The following HTR4 variants were observed in gnomAD, a reference collection of about 807,000 sequenced individuals.
HTR4 encodes the protein 5-hydroxytryptamine (serotonin) receptor 4, G protein-coupled.
Under a neutral mutation model 36.8 loss-of-function variants are expected in HTR4, and 16 were observed. The ratio of observed to expected loss-of-function variants is 0.43; its 90% CI spans 0.29 to 0.66. The LOEUF (loss-of-function observed/expected upper bound fraction) is 0.66, where lower values mean the gene tolerates loss of function less well. Among genes scored for constraint, HTR4 ranks in the 30% least tolerant of loss-of-function variants. HTR4 has a pLI of 0.13. For missense variants in HTR4, 438 were observed against 490.9 expected (o/e 0.89, Z 1.02); for synonymous variants, 189 against 185.1 (o/e 1.02, Z -0.17).
chr5:148,629,574 C>T (rs1021420677), intron 2 of HTR4: 3 of 152,260 alleles, frequency 2.0e-5, no homozygotes, highest in African/African-American at 7.2e-5. Context: ...AGAGGTTCAG[C>T]TTGGCAAGCA....
intron 5 of HTR4, among the ~76,000 whole-genome samples, chr5:148,462,840 T>C (rs1755313321): frequency 6.6e-6 from 1 of 152,156 alleles, no homozygotes; most frequent in Admixed American, 6.5e-5. Flanking sequence ...CTCAGGTATG[T>C]AGGGCAAATA....
chr5:148,644,384 C>T lies in HTR4; in HGVS notation c.-47-7323G>A, dbSNP rs1286793657. On this transcript the variant is annotated intron_variant, in intron 1 of 6. Transcript: ENST00000377888. ...GAAAACCCTCCTGTTATTTCCTAAT[C>T]TCTCTTTTTAAAAGATGAATAGGTC... 3.0e-5 allele frequency among the ~76,000 whole-genome samples: 4 copies of T among 131,380 alleles called. No individual in the cohort carries two copies. The Admixed American group carries it at 3.2e-4, about 11-fold the overall frequency. The allele number at this position is 131,380 out of a possible 152,430, so 86.2% of individuals were successfully genotyped here.
chr5:148,510,537 T>C (rs542105727), intron 5 of HTR4, among the ~76,000 whole-genome samples: 13 of 152,346 alleles, frequency 8.5e-5, no homozygotes, highest in African/African-American at 3.1e-4. Context: ...AAGTGCAGAT[T>C]CCTGCCCACT....
chr5:148,511,965 A>G (rs1367713742), intron 5 of HTR4, among the ~76,000 whole-genome samples: 1 of 152,120 alleles, frequency 6.6e-6, no homozygotes, highest in Non-Finnish European at 1.5e-5. Context: ...TGTTACTGAA[A>G]AGTGTCCTGG....
intron 2 of HTR4, among the ~76,000 whole-genome samples, chr5:148,578,861 G>A (rs1392147395): frequency 6.6e-6 from 1 of 152,012 alleles, no homozygotes; most frequent in African/African-American, 2.4e-5. Flanking sequence ...TAACATATTG[G>A]AAAGGGCCCT....
chr5:148,510,249 T>C (rs778716291), intron 5 of HTR4, among the ~76,000 whole-genome samples: 1 of 152,174 alleles, frequency 6.6e-6, no homozygotes, highest in African/African-American at 2.4e-5. Context: ...AGCAAAGCTT[T>C]GGTTTTCTTA....
chr5:148,638,485 C>A (rs1310051685), intron 1 of HTR4, among the ~76,000 whole-genome samples: 1 of 152,200 alleles, frequency 6.6e-6, no homozygotes, highest in Non-Finnish European at 1.5e-5. Flanking sequence ...AAATACAGTA[C>A]AATTACAATA....
At chr5:148,646,350 C>G (rs569311622) in intron 1 of HTR4, 1 of 152,188 alleles carries the variant, frequency 6.6e-6, no homozygotes, top group Non-Finnish European at 1.5e-5. Context: ...GGCATGTTTA[C>G]CTCTGCTGTC....
At chr5:148,648,103 T>C (rs1753926786) in intron 1 of HTR4, among the ~76,000 whole-genome samples, 2 of 152,222 alleles carry the variant, frequency 1.3e-5, no homozygotes, top group Admixed American at 1.3e-4. Context: ...TTTTGGTGAC[T>C]ATACGAGTGT....
intron 5 of HTR4, among the ~76,000 whole-genome samples, chr5:148,513,850 C>T (rs539114042): frequency 1.2e-4 from 19 of 152,032 alleles, no homozygotes; most frequent in African/African-American, 4.3e-4. Context: ...AGATTTGTTT[C>T]TAAGTATTTT....
In HTR4 at chr5:148,482,585, G is replaced by C. The variant is rs1755940454; in HGVS notation, c.*618C>G. ...ACATTGGACATAAGGAAGAGCAAGT[G>C]GACGTCTGGGACTGACAAGGGGGCC... On this transcript the variant is annotated 3_prime_UTR_variant, in exon 7 of 7. Coordinates refer to ENST00000377888, the MANE Select transcript of HTR4 (RefSeq NM_000870.7). 1 of 986,732 alleles carries C rather than the reference G, an allele frequency of 1.0e-6. No individual in the cohort carries two copies. Among genetic ancestry groups the C allele is most frequent in the Admixed American group, 6.0e-5 (1 of 16,546 alleles). 61.1% of individuals were successfully genotyped at this position (986,732 alleles called of 1,614,324 possible). A position where few individuals can be genotyped will look rare whatever the true frequency, so the allele number is the denominator to read the frequency against.
Position 148,534,524 on chromosome 5 carries a change from A to T in HTR4, c.354-11178T>A, listed in dbSNP as rs60816517. Reference sequence around the variant, plus strand: ...CAACTCAGGACCTCCCGGGACAGAGACTCCAGGGGCAACTGAAAGCCTCTC... The same window carrying T: ...CAACTCAGGACCTCCCGGGACAGAGTCTCCAGGGGCAACTGAAAGCCTCTC... On this transcript the variant is annotated intron_variant, in intron 4 of 6. Transcript: ENST00000377888. Among the ~76,000 whole-genome samples, 115 of 152,044 alleles carry T rather than the reference A, an allele frequency of 7.6e-4. 1 individual carries two copies. Among genetic ancestry groups the T allele is most frequent in the African/African-American group, 2.6e-3 (108 of 41,488 alleles).
intron 4 of HTR4, among the ~76,000 whole-genome samples, chr5:148,546,700 C>G (rs1366074074): frequency 6.6e-6 from 1 of 152,164 alleles, no homozygotes; most frequent in East Asian, 1.9e-4. Context: ...CTTGAGGTTA[C>G]CTCAGCTGCC....
chr5:148,458,068 A>G (rs1178538887), intron 5 of HTR4, among the ~76,000 whole-genome samples: 2 of 137,388 alleles, frequency 1.5e-5, no homozygotes, highest in East Asian at 4.1e-4. Context: ...TTTAAGATCT[A>G]TTTAATAGAT....
chr5:148,496,188 A>G (rs9325102), intron 6 of HTR4, among the ~76,000 whole-genome samples: 24,294 of 152,114 alleles, frequency 0.16, 3,555 homozygotes, highest in African/African-American at 0.38. Context: ...ACCTTGGACA[A>G]TTCTGATCCA....
chr5:148,464,881 T>G (rs1176460236), intron 5 of HTR4, among the ~76,000 whole-genome samples: 1 of 152,174 alleles, frequency 6.6e-6, no homozygotes, highest in African/African-American at 2.4e-5. Context: ...CAACGGAATA[T>G]TATACTGTGC....
intron 6 of HTR4, among the ~76,000 whole-genome samples, chr5:148,492,608 T>G (rs566043566): frequency 6.2e-4 from 95 of 152,350 alleles, no homozygotes; most frequent in Non-Finnish European, 8.5e-4. Flanking sequence ...CAAATACTTA[T>G]GATAACAATG....
chr5:148,583,162 C>T (rs1761210945), intron 2 of HTR4, among the ~76,000 whole-genome samples: 1 of 151,652 alleles, frequency 6.6e-6, no homozygotes, highest in Non-Finnish European at 1.5e-5. Context: ...TGAATTTTGT[C>T]AAAGGCCTTT....
At chr5:148,581,745 T>C (rs1761143779) in intron 2 of HTR4, among the ~76,000 whole-genome samples, 1 of 152,186 alleles carries the variant, frequency 6.6e-6, no homozygotes, top group Admixed American at 6.6e-5. Context: ...TGTAGCTTTG[T>C]AATATATTCT....
Sources: allele counts gnomAD v4.1 joint callset (sites outside exome capture counted in the v4.1 genomes callset), GRCh38; gene constraint gnomAD v4.1.1; transcripts MANE v1.5; gene names NCBI Gene and HGNC (gene_info 2026-07-23, HGNC 2026-07-21).